Variants in OPCML observed in about 807,000 individuals in gnomAD.
OPCML encodes opioid-binding protein/cell adhesion molecule.
OPCML carries 13 observed loss-of-function variants against 37.8 expected under a neutral mutation model. The observed-to-expected ratio is 0.34, with a 90% CI of 0.22 to 0.55. The LOEUF (loss-of-function observed/expected upper bound fraction) is 0.55, where lower values mean the gene tolerates loss of function less well. OPCML is among the 20% of genes least tolerant of loss of function. The pLI is 0.91. For synonymous variants in OPCML, 176 were observed against 168.8 expected (o/e 1.04, Z -0.33); for missense variants, 341 against 435.6 (o/e 0.78, Z 1.93).
At chr11:133,263,382 TG>T (rs1224556667) in intron 1 of OPCML, among the ~76,000 whole-genome samples, 5 of 152,142 alleles carry the variant, frequency 3.3e-5, no homozygotes, top group Non-Finnish European at 7.4e-5. Flanking sequence ...TGCTTACCAT[TG>T]TGTTACAGTT....
intron 1 of OPCML, among the ~76,000 whole-genome samples, chr11:133,453,324 T>G (rs1946614377): frequency 6.6e-6 from 1 of 152,226 alleles, no homozygotes; most frequent in South Asian, 2.1e-4. Flanking sequence ...CCCATTTATC[T>G]AATGTACTAT....
intron 1 of OPCML, among the ~76,000 whole-genome samples, chr11:133,281,761 T>A (rs1174215064): frequency 6.6e-6 from 1 of 151,928 alleles, no homozygotes; most frequent in Admixed American, 6.6e-5. Flanking sequence ...CCGGTAGAAA[T>A]ATGGACAGTA....
chr11:133,511,930 A>T (rs982570009), intron 1 of OPCML, among the ~76,000 whole-genome samples: 2 of 152,200 alleles, frequency 1.3e-5, no homozygotes, highest in Non-Finnish European at 2.9e-5. Context: ...TGAGTTAAAG[A>T]GCAATGGCCA....
At chr11:133,084,393 G>A (rs1478712728) in intron 1 of OPCML, among the ~76,000 whole-genome samples, 1 of 152,192 alleles carries the variant, frequency 6.6e-6, no homozygotes, top group African/African-American at 2.4e-5. Flanking sequence ...TCAAATTCAA[G>A]TTTCGTTGTT....
intron 1 of OPCML, among the ~76,000 whole-genome samples, chr11:133,384,518 T>A (rs145374099): frequency 2.0e-5 from 3 of 152,232 alleles, no homozygotes; most frequent in Non-Finnish European, 4.4e-5. Flanking sequence ...TCCATGGTGC[T>A]GATTTACTCC....
intron 2 of OPCML, among the ~76,000 whole-genome samples, chr11:132,840,532 T>A (rs747993609): frequency 6.6e-6 from 1 of 152,012 alleles, no homozygotes; most frequent in East Asian, 1.9e-4. Flanking sequence ...TCAAAAGATA[T>A]AGGTTTGAAT....
chr11:133,023,231 A>G (rs999694087), intron 1 of OPCML, among the ~76,000 whole-genome samples: 1 of 152,164 alleles, frequency 6.6e-6, no homozygotes, highest in Non-Finnish European at 1.5e-5. Flanking sequence ...GTTCCCTGTA[A>G]TTATCTGCTT....
At chr11:133,141,649 C>A (rs1043215204) in intron 1 of OPCML, among the ~76,000 whole-genome samples, 1 of 152,134 alleles carries the variant, frequency 6.6e-6, no homozygotes, top group South Asian at 2.1e-4. Flanking sequence ...CTGCTCCCAG[C>A]AAGAATCCCT....
intron 2 of OPCML, among the ~76,000 whole-genome samples, chr11:132,819,354 TAAA>T (rs5795802): frequency 4.1e-5 from 6 of 145,992 alleles, no homozygotes; most frequent in Admixed American, 6.9e-5. Context: ...TTACTTTGGT[TAAA>T]AAAAAAAAAG....
intron 1 of OPCML, among the ~76,000 whole-genome samples, chr11:133,451,798 C>T (rs1161445214): frequency 6.6e-6 from 1 of 151,100 alleles, no homozygotes; most frequent in Non-Finnish European, 1.5e-5. Flanking sequence ...GCTGAGACCA[C>T]ACCATTGCAG....
chr11:132,632,787 A>T (rs568871729), intron 3 of OPCML, among the ~76,000 whole-genome samples: 43 of 152,262 alleles, frequency 2.8e-4, no homozygotes, highest in Non-Finnish European at 5.9e-4. Flanking sequence ...CCATCTCCAC[A>T]TCTCTGCGTT....
intron 4 of OPCML, among the ~76,000 whole-genome samples, chr11:132,453,115 G>C (rs1477455589): frequency 6.6e-6 from 1 of 152,174 alleles, no homozygotes; most frequent in Non-Finnish European, 1.5e-5. Flanking sequence ...GTCTTTGTTA[G>C]ATGCCCCTCA....
At chr11:133,095,740 C>G (rs1194282087) in intron 1 of OPCML, among the ~76,000 whole-genome samples, 1 of 150,536 alleles carries the variant, frequency 6.6e-6, no homozygotes, top group South Asian at 2.1e-4. Flanking sequence ...ACCTTATCTA[C>G]AGAGGAGAAA....
At chr11:133,532,225 CA>C (rs747307852) in intron 1 of OPCML, 38 bp downstream of exon 1, 3 of 1,607,134 alleles carry the variant, frequency 1.9e-6, no homozygotes, top group Non-Finnish European at 1.7e-6. Context: ...GTCGTACAAT[CA>C]CCCCAGGGAG....
intron 3 of OPCML, among the ~76,000 whole-genome samples, chr11:132,648,066 T>C (rs1405278576): frequency 2.6e-5 from 4 of 152,206 alleles, no homozygotes; most frequent in African/African-American, 4.8e-5. Flanking sequence ...ACTCTCCAAA[T>C]CTGTGTACAC....
intron 1 of OPCML, among the ~76,000 whole-genome samples, chr11:133,303,705 T>C (rs548473726): frequency 3.9e-5 from 6 of 152,262 alleles, no homozygotes; most frequent in African/African-American, 1.4e-4. Flanking sequence ...TGTTAGTCAT[T>C]TACTAGTTAG....
intron 1 of OPCML, chr11:133,068,109 T>C (rs772285734): frequency 3.3e-5 from 5 of 152,360 alleles, no homozygotes; most frequent in Non-Finnish European, 7.3e-5. Flanking sequence ...AATAAACGTA[T>C]TTATTTTAAA....
chr11:132,668,651 C>G (rs1300438403), intron 2 of OPCML, among the ~76,000 whole-genome samples: 1 of 152,206 alleles, frequency 6.6e-6, no homozygotes, highest in African/African-American at 2.4e-5. Flanking sequence ...CCAAGTGATA[C>G]TGAATCCGTT....
At chr11:132,909,218 C>G (rs986555264) in intron 2 of OPCML, among the ~76,000 whole-genome samples, 2 of 152,042 alleles carry the variant, frequency 1.3e-5, no homozygotes, top group Admixed American at 1.3e-4. Flanking sequence ...CACATCCACA[C>G]TTTAAAAAAA....
Sources: allele counts gnomAD v4.1 joint callset (sites outside exome capture counted in the v4.1 genomes callset), GRCh38; gene constraint gnomAD v4.1.1; transcripts MANE v1.5; gene names NCBI Gene and HGNC (gene_info 2026-07-23, HGNC 2026-07-21).